Variants in WNT7B observed in about 807,000 individuals in gnomAD.
WNT7B encodes the protein protein Wnt-7b.
A neutral mutation model predicts 38.2 loss-of-function variants in WNT7B; 19 were observed. That is an observed-to-expected ratio of 0.50 (90% confidence interval 0.35 to 0.73). The LOEUF is 0.73. Ranked by LOEUF, WNT7B falls within the 30% of genes least tolerant of loss-of-function variation. The probability of loss-of-function intolerance (pLI) is 0.01; values close to 1 mark genes in which losing one functional copy is unlikely to be tolerated. For synonymous variants in WNT7B, 243 were observed against 209.3 expected, an observed-to-expected ratio of 1.16 and a Z score of -1.39; for missense variants, 423 against 507.9, an observed-to-expected ratio of 0.83 and a Z score of 1.61.
chr22:45,926,017 A>G (rs983067582), intron 3 of WNT7B: 1 of 985,352 alleles, frequency 1.0e-6, no homozygotes, highest in Middle Eastern at 5.2e-4. Context: ...AAGGCCAGGG[A>G]ACCCAGCTGC....
chr22:45,971,734 G>C (rs1396838190), intron 1 of WNT7B, among the ~76,000 whole-genome samples: 1 of 152,202 alleles, frequency 6.6e-6, no homozygotes, highest in Non-Finnish European at 1.5e-5. Flanking sequence ...GGGTGTGTGA[G>C]TGCGGCTCTC....
chr22:45,963,133 GC>G lies in WNT7B; in HGVS notation c.72-12988del, dbSNP rs372539874. ...CAGATGGGAGCCACGCCCAGTCCAT[GC>G]CTGGGCCACACAGCATCTCAGACAG... On this transcript the variant is annotated intron_variant, in intron 1 of 3. Coordinates refer to ENST00000339464, the MANE Select transcript of WNT7B (RefSeq NM_058238.3). Among the ~76,000 whole-genome samples the G allele has an allele frequency of 1.3e-3, 191 of 152,324 alleles. 5 individuals carry two copies. In the South Asian group the frequency reaches 0.038, roughly 30 times the overall value.
chr22:45,925,968 C>T (rs1931070084), intron 3 of WNT7B: 1 of 985,094 alleles, frequency 1.0e-6, no homozygotes, highest in Non-Finnish European at 1.2e-6. Flanking sequence ...GTATCCCTCC[C>T]CCTCCTCCCT....
chr22:45,952,137 G>T (rs368256353), intron 1 of WNT7B, among the ~76,000 whole-genome samples: 9 of 152,208 alleles, frequency 5.9e-5, no homozygotes, highest in Non-Finnish European at 8.8e-5. Flanking sequence ...TGGGGGGACC[G>T]CCGGGGGCTC....
At chr22:45,950,425 C>T (rs933322994) in intron 1 of WNT7B, among the ~76,000 whole-genome samples, 16 of 152,274 alleles carry the variant, frequency 1.1e-4, no homozygotes, top group African/African-American at 3.6e-4. Context: ...AACCGCAAGT[C>T]CCACAGCTCT....
intron 3 of WNT7B, among the ~76,000 whole-genome samples, chr22:45,924,410 C>G (rs1642186349): frequency 6.6e-6 from 1 of 152,244 alleles, no homozygotes; most frequent in Admixed American, 6.5e-5. Flanking sequence ...ATGAGGTCCT[C>G]TGGGGCTCAC....
rs982257497 is a variant in WNT7B, at chr22:45,920,387, T to C, written c.*2469A>G. ...TCACTTTTCCGATTCCAGCTTTTAT[T>C]GGGCCGAGCACTCCCCTCCAGGGGA... On this transcript the variant is annotated 3_prime_UTR_variant, in exon 4 of 4. Coordinates refer to ENST00000339464, the MANE Select transcript of WNT7B (RefSeq NM_058238.3). 5 of 152,058 alleles carry C rather than the reference T, an allele frequency of 3.3e-5. No individual in the cohort carries two copies. Among genetic ancestry groups the C allele is most frequent in the Admixed American group, 6.5e-5 (1 of 15,270 alleles). The allele number at this position is 152,058 out of a possible 1,614,324, so 9.4% of individuals were successfully genotyped here.
intron 1 of WNT7B, chr22:45,954,861 G>A (rs956895696): frequency 2.9e-6 from 2 of 684,304 alleles, no homozygotes; most frequent in African/African-American, 3.9e-5. Context: ...TCCTCACCTT[G>A]CTAGGTGAGT....
Position 45,936,190 on chromosome 22 carries a change from C to T in WNT7B, c.299-4821G>A, listed in dbSNP as rs560382558. On this transcript the variant is annotated intron_variant, in intron 2 of 3. Transcript: ENST00000339464. ...CCAGTGCAGGCTATCTCTGGTGCCTCGGCAAGTTACCAGCCCTCTCTGAGC... is the reference window on the plus strand; with the variant it reads ...CCAGTGCAGGCTATCTCTGGTGCCTTGGCAAGTTACCAGCCCTCTCTGAGC... 2.5e-4 allele frequency: 248 copies of T among 984,412 alleles called. 1 individual carries two copies. The highest frequency in any genetic ancestry group is 1.2e-3 in the Admixed American group (19 of 16,284). 61.0% of individuals were successfully genotyped at this position (984,412 alleles called of 1,614,324 possible). A position where few individuals can be genotyped will look rare whatever the true frequency, so the allele number is the denominator to read the frequency against.
rs768926470 is a variant in WNT7B, at chr22:45,931,274, C to T, written c.394G>A (p.Gly132Ser). Residue 132 changes from glycine to serine, a missense_variant, in exon 3 of 4, where the codon GGC becomes AGC. Around this residue, in one of 3 missense-constraint regions of WNT7B, gnomAD observed 132 missense variants for 113.4 expected, o/e 1.16. Transcript: ENST00000339464. ...ACSQGNLSNC[G>S]CDREKQGYYN... is the part of the protein sequence containing the mutation. ...TAGCCCTGCTTCTCGCGGTCGCAGC[C>T]GCAGTTGCTCAGGTTCCCTTGGCTG... is the stretch of plus-strand genomic sequence containing the variant. 54 of 1,598,570 alleles carry T rather than the reference C, an allele frequency of 3.4e-5. No individual in the cohort carries two copies. Among genetic ancestry groups the T allele is most frequent in the Admixed American group, 1.2e-4 (7 of 59,984 alleles).
chr22:45,955,052 C>T (rs1056383853), intron 1 of WNT7B, among the ~76,000 whole-genome samples: 2 of 152,244 alleles, frequency 1.3e-5, no homozygotes, highest in Non-Finnish European at 2.9e-5. Flanking sequence ...GGCACTGTGT[C>T]GGCTTTTCAT....
At chr22:45,929,712 C>T (rs1245274562) in intron 3 of WNT7B, among the ~76,000 whole-genome samples, 1 of 149,420 alleles carries the variant, frequency 6.7e-6, no homozygotes, top group Non-Finnish European at 1.5e-5. Flanking sequence ...TTCCATCCAC[C>T]CGTGAATCCA....
At chr22:45,940,905 C>T (rs1931629460) in intron 2 of WNT7B, among the ~76,000 whole-genome samples, 1 of 152,210 alleles carries the variant, frequency 6.6e-6, no homozygotes, top group Non-Finnish European at 1.5e-5. Context: ...ATGAGCTGAG[C>T]ATGAGTGGTT....
chr22:45,965,900 G>A lies in WNT7B; in HGVS notation c.71+10784C>T, dbSNP rs1031889877. Among the ~76,000 whole-genome samples the A allele has an allele frequency of 2.6e-5, 4 of 152,196 alleles. No homozygotes were observed. Among genetic ancestry groups the A allele is most frequent in the African/African-American group, 7.2e-5 (3 of 41,446 alleles). ...GGAAACGGGACACGCAACAGAGCCCGCCCAAGGCTGGAAACCCGCCTTAGT... is the reference window on the plus strand; with the variant it reads ...GGAAACGGGACACGCAACAGAGCCCACCCAAGGCTGGAAACCCGCCTTAGT... On this transcript the variant is annotated intron_variant, in intron 1 of 3. Coordinates refer to ENST00000339464, the MANE Select transcript of WNT7B (RefSeq NM_058238.3). The surrounding 1 kb of genome is among the most constrained non-coding windows in gnomAD (Gnocchi z 6.5).
chr22:45,927,469 G>A (rs1569109779), intron 3 of WNT7B: 1 of 1,550,092 alleles, frequency 6.5e-7, no homozygotes, highest in Non-Finnish European at 8.7e-7. Context: ...CCAAATTCAT[G>A]TCTGCTCAGA....
At chr22:45,935,729 A>T in intron 2 of WNT7B, 8 of 842,768 alleles carry the variant, frequency 9.5e-6, no homozygotes, top group Non-Finnish European at 1.1e-5. Context: ...ACACCACCTT[A>T]TCTCCAAGAC....
At chr22:45,935,667 C>T (rs1376928135) in intron 2 of WNT7B, among the ~76,000 whole-genome samples, 1 of 152,202 alleles carries the variant, frequency 6.6e-6, no homozygotes, top group Non-Finnish European at 1.5e-5. Flanking sequence ...TCCCACCCAT[C>T]GCTGTTTCCC....
Position 45,923,314 on chromosome 22 carries a change from G to T in WNT7B, c.592C>A (p.Leu198Met). ...GRKVLEDRMQ[L>M]ECKCHGVSGS... ...GACACGCCGTGGCACTTGCACTCCA[G>T]CTGCATCCGGTCCTCTAGAACCTGC... The change falls in exon 4 of 4, where the codon CTG becomes ATG. Residue 198 changes from leucine (L) to methionine (M), a missense_variant. Physicochemically the swap from Leu to Met is conservative, Grantham distance 15. Coordinates refer to ENST00000339464, the MANE Select transcript of WNT7B (RefSeq NM_058238.3). 4 of 1,608,460 alleles carry T rather than the reference G, an allele frequency of 2.5e-6. No individual in the cohort carries two copies. Among genetic ancestry groups the T allele is most frequent in the Non-Finnish European group, 2.5e-6 (3 of 1,176,474 alleles).
At chr22:45,940,429 G>A (rs1320595834) in intron 2 of WNT7B, among the ~76,000 whole-genome samples, 2 of 152,048 alleles carry the variant, frequency 1.3e-5, no homozygotes, top group South Asian at 2.1e-4. Context: ...TGGACGCCAC[G>A]CTTGCCTGTG....
Sources: allele counts gnomAD v4.1 joint callset (sites outside exome capture counted in the v4.1 genomes callset), GRCh38; gene constraint gnomAD v4.1.1; regional missense constraint gnomAD v4.1.1; non-coding constraint Gnocchi (gnomAD v3.1); transcripts MANE v1.5; gene names NCBI Gene and HGNC (gene_info 2026-07-23, HGNC 2026-07-21).